Variants in SLCO3A1 observed in about 807,000 individuals in gnomAD.
SLCO3A1 encodes the protein solute carrier organic anion transporter family member 3A1.
Under a neutral mutation model 63.1 loss-of-function variants are expected in SLCO3A1, and 27 were observed. The observed-to-expected ratio is 0.43, with a 90% CI of 0.32 to 0.59. The LOEUF (loss-of-function observed/expected upper bound fraction) is 0.59. Ranked by LOEUF, SLCO3A1 falls within the 20% of genes least tolerant of loss-of-function variation. The pLI is 0.09. For synonymous variants in SLCO3A1, 473 were observed against 409.9 expected, an observed-to-expected ratio of 1.15 and a Z score of -1.86; for missense variants, 773 against 945.8, an observed-to-expected ratio of 0.82 and a Z score of 2.40.
chr15:92,079,627 C>T (rs1247318840), intron 2 of SLCO3A1, among the ~76,000 whole-genome samples: 1 of 152,250 alleles, frequency 6.6e-6, no homozygotes, highest in African/African-American at 2.4e-5. Flanking sequence ...CAATCACGTG[C>T]TGAGGTTCCC....
intron 2 of SLCO3A1, among the ~76,000 whole-genome samples, chr15:91,919,576 G>T (rs992997239): frequency 6.6e-6 from 1 of 152,256 alleles, no homozygotes; most frequent in Admixed American, 6.5e-5. Context: ...TGAGGTCGGA[G>T]AATCCATTCT....
At chr15:91,965,149 A>G (rs941859580) in intron 2 of SLCO3A1, among the ~76,000 whole-genome samples, 5 of 152,172 alleles carry the variant, frequency 3.3e-5, no homozygotes, top group African/African-American at 1.2e-4. Flanking sequence ...AGAGGTATAC[A>G]TTAAAATTGA....
chr15:92,154,430 C>T (rs2048346298), intron 9 of SLCO3A1, among the ~76,000 whole-genome samples: 1 of 152,184 alleles, frequency 6.6e-6, no homozygotes, highest in Non-Finnish European at 1.5e-5. Context: ...CTGTTGCACA[C>T]TTGAAATGTG....
intron 2 of SLCO3A1, among the ~76,000 whole-genome samples, chr15:92,077,946 A>G (rs1314394560): frequency 2.0e-5 from 3 of 152,120 alleles, no homozygotes; most frequent in Non-Finnish European, 4.4e-5. Context: ...CTGGTAATGT[A>G]ACTTTTCTGT....
At chr15:91,933,009 C>A (rs937005263) in intron 2 of SLCO3A1, among the ~76,000 whole-genome samples, 1 of 152,106 alleles carries the variant, frequency 6.6e-6, no homozygotes, top group Admixed American at 6.6e-5. Context: ...AGAGAATCTT[C>A]CCCATTTCAA....
intron 1 of SLCO3A1, among the ~76,000 whole-genome samples, chr15:91,881,753 G>A (rs567973918): frequency 5.9e-5 from 9 of 152,242 alleles, no homozygotes; most frequent in Middle Eastern, 3.4e-3. Context: ...GCAACATGCC[G>A]AGTCTACCAG....
intron 9 of SLCO3A1, among the ~76,000 whole-genome samples, chr15:92,158,853 G>A (rs1467597138): frequency 6.6e-6 from 1 of 152,150 alleles, no homozygotes; most frequent in Non-Finnish European, 1.5e-5. Flanking sequence ...AATTTTAAGT[G>A]AATAAAAAGG....
At chr15:91,866,575 TAAAAAAAA>T (rs1191215854) in intron 1 of SLCO3A1, among the ~76,000 whole-genome samples, 2 of 139,896 alleles carry the variant, frequency 1.4e-5, no homozygotes, top group South Asian at 2.3e-4. Context: ...CTCCTTTTTT[TAAAAAAAA>T]AAAAAAAAGA....
At chr15:92,037,801 C>T (rs1420347287) in intron 2 of SLCO3A1, among the ~76,000 whole-genome samples, 2 of 152,198 alleles carry the variant, frequency 1.3e-5, no homozygotes, top group African/African-American at 4.8e-5. Context: ...TCCTTCCCTT[C>T]AGCTGGTTTT....
intron 2 of SLCO3A1, among the ~76,000 whole-genome samples, chr15:91,982,888 A>T (rs898556858): frequency 2.6e-5 from 4 of 152,202 alleles, no homozygotes; most frequent in Non-Finnish European, 4.4e-5. Flanking sequence ...ACACCCAGCA[A>T]GGGGATCAGG....
rs1199906799 is a variant in SLCO3A1, at chr15:91,882,085, T to A, written c.180+27997T>A. ...GGAGGTGGAATATTACTCAAGGACA[T>A]CCCCTTAGTTGCCTAGAAGGGAAGC... On this transcript the variant is annotated intron_variant, in intron 1 of 9. Coordinates refer to ENST00000318445, the MANE Select transcript of SLCO3A1 (RefSeq NM_013272.4). This position sits in a 1 kb window ranked among gnomAD's most constrained non-coding sequence, Gnocchi z 4.4. Among the ~76,000 whole-genome samples the A allele has an allele frequency of 6.6e-6, 1 of 152,054 alleles. No individual in the cohort carries two copies. The highest frequency in any genetic ancestry group is 1.5e-5 in the Non-Finnish European group (1 of 68,012).
chr15:92,110,606 C>A (rs1184174826), intron 4 of SLCO3A1, among the ~76,000 whole-genome samples: 1 of 152,228 alleles, frequency 6.6e-6, no homozygotes, highest in Non-Finnish European at 1.5e-5. Flanking sequence ...TGTGTCATTT[C>A]TTAGGAACAT....
intron 2 of SLCO3A1, among the ~76,000 whole-genome samples, chr15:92,004,319 A>G (rs1453806132): frequency 6.6e-6 from 1 of 152,236 alleles, no homozygotes; most frequent in African/African-American, 2.4e-5. Flanking sequence ...GGTGAAGACC[A>G]TGACGATGGT....
intron 7 of SLCO3A1, among the ~76,000 whole-genome samples, chr15:92,130,907 A>C (rs1019482458): frequency 7.3e-5 from 11 of 151,098 alleles, no homozygotes; most frequent in Non-Finnish European, 7.4e-5. Flanking sequence ...AAAAAAAAAA[A>C]AACTCTTTGA....
chr15:92,143,180 C>T (rs1279037889), intron 7 of SLCO3A1, among the ~76,000 whole-genome samples: 1 of 148,360 alleles, frequency 6.7e-6, no homozygotes, highest in Non-Finnish European at 1.5e-5. Context: ...TCATTTACGC[C>T]TAACTACTCT....
rs576570713 is a variant in SLCO3A1, at chr15:92,162,619, G to A, written c.1754-137G>A. The A allele has an allele frequency of 4.2e-5, 58 of 1,376,758 alleles. No individual in the cohort carries two copies. In the African/African-American group the frequency reaches 8.4e-4, roughly 20 times the overall value. 85.3% of individuals were successfully genotyped at this position (1,376,758 alleles called of 1,614,324 possible). Reference sequence around the variant, plus strand: ...ACTGGGACACAAACTCATGCGCTTTGCCTCCTGAGCATGTCTTTGAGCCAC... The same window carrying A: ...ACTGGGACACAAACTCATGCGCTTTACCTCCTGAGCATGTCTTTGAGCCAC... On this transcript the variant is annotated intron_variant, in intron 9 of 9. Coordinates refer to ENST00000318445, the MANE Select transcript of SLCO3A1 (RefSeq NM_013272.4).
Position 91,882,520 on chromosome 15 carries a change from C to CT in SLCO3A1, c.180+28440dup, listed in dbSNP as rs1410621729. 7.0e-6 allele frequency among the ~76,000 whole-genome samples: 1 copy of CT among 142,308 alleles called. No homozygotes were observed. The highest frequency in any genetic ancestry group is 1.5e-5 in the Non-Finnish European group (1 of 64,812). 93.4% of individuals were successfully genotyped at this position (142,308 alleles called of 152,430 possible). A position where few individuals can be genotyped will look rare whatever the true frequency, so the allele number is the denominator to read the frequency against. On this transcript the variant is annotated intron_variant, in intron 1 of 9. Transcript: ENST00000318445. The surrounding 1 kb of genome is among the most constrained non-coding windows in gnomAD (Gnocchi z 4.4). ...ACCCCACCCCCACTATGTATGACTT[C>CT]TTTTTTTTCCTTGAGATGGAGTTTC...
At chr15:91,976,603 C>T (rs377345169) in intron 2 of SLCO3A1, among the ~76,000 whole-genome samples, 4 of 152,188 alleles carry the variant, frequency 2.6e-5, no homozygotes, top group Middle Eastern at 3.4e-3. Context: ...CACCAGATAT[C>T]GGGGAATCTG....
rs914521765 is a variant in SLCO3A1, at chr15:92,086,396, C to G, written c.647-8485C>G. On this transcript the variant is annotated intron_variant, in intron 2 of 9. Transcript: ENST00000318445. The stretch of plus-strand genomic sequence containing the variant: ...GACCATTTTCTTATATCTTATTGTT[C>G]ATTTGGATTTCCTGTTTTTTGAAAT... 2.6e-5 allele frequency among the ~76,000 whole-genome samples: 4 copies of G among 152,186 alleles called. No homozygotes were observed. The East Asian group carries it at 7.7e-4, about 29-fold the overall frequency.
Sources: gnomAD v4.1 joint callset for allele counts (sites outside exome capture counted in the v4.1 genomes callset) on GRCh38, gnomAD v4.1.1 for gene constraint, Gnocchi (gnomAD v3.1) non-coding constraint, MANE v1.5 for transcripts, NCBI Gene and HGNC (gene_info 2026-07-23, HGNC 2026-07-21) for gene names.